Variants in ACER3 observed in about 807,000 individuals in gnomAD.
The protein encoded by ACER3 is alkaline ceramidase 3, also known as alkCDase 3.
A neutral mutation model predicts 48.9 loss-of-function variants in ACER3; 16 were observed. That is an observed-to-expected ratio of 0.33 (90% CI 0.22 to 0.50). The LOEUF is 0.50. ACER3 is among the 20% of genes least tolerant of loss of function. The pLI is 0.98. For synonymous variants in ACER3, 109 were observed against 107.8 expected (o/e 1.01, Z -0.07); for missense variants, 227 against 326.0 (o/e 0.70, Z 2.34).
chr11:76,976,363 T>C, intron 4 of ACER3, 22 bp downstream of exon 4: 2 of 1,467,470 alleles, frequency 1.4e-6, no homozygotes, highest in Non-Finnish European at 1.9e-6. Context: ...TAAAATTTCA[T>C]TGTTTGATTT....
intron 6 of ACER3, 145 bp downstream of exon 6, chr11:76,990,719 G>A (rs1372044041): frequency 5.1e-6 from 3 of 586,164 alleles, no homozygotes; most frequent in East Asian, 3.0e-5. Context: ...TTAAAAGGGA[G>A]GTTGTAAACT....
Position 76,936,590 on chromosome 11 carries a change from AAAAT to A in ACER3, c.214+9927_214+9930del, listed in dbSNP as rs559782615. Reference sequence around the variant, plus strand: ...TTATATAACATTTACGTTGTATTAAAAAATAAAGTCGCTTTTGCATGACAAAAAA... The same window carrying A: ...TTATATAACATTTACGTTGTATTAAAAAAGTCGCTTTTGCATGACAAAAAA... On this transcript the variant is annotated intron_variant, in intron 2 of 10. Transcript: ENST00000532485. Among the ~76,000 whole-genome samples, 17 of 152,278 alleles carry A rather than the reference AAAAT, an allele frequency of 1.1e-4. No individual in the cohort carries two copies. In the South Asian group the frequency reaches 3.5e-3, roughly 32 times the overall value.
intron 2 of ACER3, among the ~76,000 whole-genome samples, chr11:76,951,943 AAC>A (rs1947680691): frequency 1.3e-5 from 2 of 152,210 alleles, no homozygotes; most frequent in African/African-American, 4.8e-5. Context: ...AAAAGCTGAT[AAC>A]TACTGGCCTT....
chr11:76,979,030 A>G lies in ACER3; in HGVS notation c.320+2689A>G, dbSNP rs375613862. 2.6e-3 allele frequency among the ~76,000 whole-genome samples: 403 copies of G among 152,302 alleles called. 2 individuals carry two copies. The highest frequency in any genetic ancestry group is 9.2e-3 in the African/African-American group (384 of 41,582). On this transcript the variant is annotated intron_variant, in intron 4 of 10. Transcript: ENST00000532485. Reference sequence around the variant, plus strand: ...CATTCCTGGCTTCCCCTTGGCAGGCATGGGATCCAGGCTGGTAGCATGAGC... The same window carrying G: ...CATTCCTGGCTTCCCCTTGGCAGGCGTGGGATCCAGGCTGGTAGCATGAGC...
intron 1 of ACER3, among the ~76,000 whole-genome samples, chr11:76,925,223 T>A (rs1221924401): frequency 6.6e-6 from 1 of 152,164 alleles, no homozygotes; most frequent in South Asian, 2.1e-4. Flanking sequence ...TTTGGGCCAA[T>A]AGATTTATTT....
At chr11:77,012,912 T>C (rs1949299001) in intron 7 of ACER3, among the ~76,000 whole-genome samples, 1 of 152,214 alleles carries the variant, frequency 6.6e-6, no homozygotes, top group Admixed American at 6.5e-5. Flanking sequence ...CAATGTTGTA[T>C]TGGTGGTAAT....
chr11:76,952,645 G>A (rs574588053), intron 2 of ACER3, among the ~76,000 whole-genome samples: 22 of 148,366 alleles, frequency 1.5e-4, no homozygotes, highest in African/African-American at 4.9e-4. Context: ...CAGTAAAATG[G>A]CTATAGAAGT....
At chr11:76,965,878 G>T (rs12804705) in intron 3 of ACER3, among the ~76,000 whole-genome samples, 8 of 151,092 alleles carry the variant, frequency 5.3e-5, no homozygotes, top group South Asian at 2.1e-4. Context: ...AGACCATCAA[G>T]GCTAGGAAGA....
At chr11:76,907,960 G>T (rs1946276624) in intron 1 of ACER3, among the ~76,000 whole-genome samples, 1 of 152,152 alleles carries the variant, frequency 6.6e-6, no homozygotes, top group Admixed American at 6.5e-5. Context: ...TTTTTGCCGG[G>T]CACAGTGGCT....
intron 1 of ACER3, among the ~76,000 whole-genome samples, chr11:76,915,293 T>A (rs751120074): frequency 6.6e-6 from 1 of 151,902 alleles, no homozygotes; most frequent in Non-Finnish European, 1.5e-5. Flanking sequence ...TGGGCTCGCC[T>A]CTTTCCCATG....
intron 1 of ACER3, among the ~76,000 whole-genome samples, chr11:76,872,085 T>G (rs1945257342): frequency 9.1e-6 from 1 of 110,024 alleles, no homozygotes; most frequent in Non-Finnish European, 1.7e-5. Context: ...TAGGCTGAAC[T>G]TTTTTTTTTG....
Position 76,893,629 on chromosome 11 carries a change from G to T in ACER3, c.103+32550G>T, listed in dbSNP as rs181381325. On this transcript the variant is annotated intron_variant, in intron 1 of 10. Coordinates refer to ENST00000532485, the MANE Select transcript of ACER3 (RefSeq NM_018367.7). The stretch of plus-strand genomic sequence containing the variant: ...AGCCCAGAAGTTTGAGACCAGCCTG[G>T]GCAACATAGCGAGATCCTATCTCAA... Among the ~76,000 whole-genome samples the T allele has an allele frequency of 5.3e-4, 81 of 151,912 alleles. No individual in the cohort carries two copies. The East Asian group carries it at 0.014, about 26-fold the overall frequency.
intron 3 of ACER3, among the ~76,000 whole-genome samples, chr11:76,962,078 T>C (rs55798841): frequency 0.4 from 60,803 of 150,380 alleles, 15,138 homozygotes; most frequent in Non-Finnish European, 0.56. Context: ...AGATGGAGTT[T>C]CACCCTTGTC....
chr11:76,989,347 A>T (rs1948751170), intron 5 of ACER3, among the ~76,000 whole-genome samples: 1 of 151,938 alleles, frequency 6.6e-6, no homozygotes, highest in Non-Finnish European at 1.5e-5. Flanking sequence ...TTAAATGAGG[A>T]TATAGAAATA....
intron 1 of ACER3, among the ~76,000 whole-genome samples, chr11:76,918,134 C>T (rs746069989): frequency 2.6e-5 from 4 of 152,072 alleles, no homozygotes; most frequent in African/African-American, 9.7e-5. Context: ...AAGTTATTCA[C>T]TTGTTAATTT....
chr11:76,991,382 G>C (rs1169974524), intron 6 of ACER3, among the ~76,000 whole-genome samples: 4 of 152,164 alleles, frequency 2.6e-5, no homozygotes, highest in Non-Finnish European at 5.9e-5. Flanking sequence ...TAATGTTCTT[G>C]TAACTTTTAC....
At chr11:77,010,329 C>T (rs902764078) in intron 7 of ACER3, among the ~76,000 whole-genome samples, 1 of 146,524 alleles carries the variant, frequency 6.8e-6, no homozygotes, top group East Asian at 2.0e-4. Flanking sequence ...GCCTGGGCAA[C>T]AAAGCAAGAC....
chr11:76,953,418 C>T (rs1947743347), intron 2 of ACER3, among the ~76,000 whole-genome samples: 1 of 151,958 alleles, frequency 6.6e-6, no homozygotes, highest in Non-Finnish European at 1.5e-5. Flanking sequence ...GCCAACGTGG[C>T]AAAACCCTGT....
intron 7 of ACER3, among the ~76,000 whole-genome samples, chr11:77,012,643 GT>G (rs1397781489): frequency 2.0e-5 from 3 of 152,046 alleles, no homozygotes; most frequent in African/African-American, 4.8e-5. Context: ...ACACTGTACA[GT>G]TTTTTTGTTG....
Sources: allele counts gnomAD v4.1 joint callset (sites outside exome capture counted in the v4.1 genomes callset), GRCh38; gene constraint gnomAD v4.1.1; transcripts MANE v1.5; gene names NCBI Gene and HGNC (gene_info 2026-07-23, HGNC 2026-07-21).